Variants in FAM110B observed in about 807,000 individuals in gnomAD.
FAM110B encodes the protein family with sequence similarity 110 member B, also known as protein FAM110B.
FAM110B carries 6 observed loss-of-function variants against 20.4 expected under a neutral mutation model. That is an observed-to-expected ratio of 0.29 (90% confidence interval 0.16 to 0.58). FAM110B has a LOEUF of 0.58. FAM110B is among the 20% of genes least tolerant of loss of function. The pLI, the probability that FAM110B is intolerant of heterozygous loss-of-function variation, is 0.90. For missense variants in FAM110B, 434 were observed against 498.2 expected (o/e 0.87, Z 1.23); for synonymous variants, 226 against 214.1 (o/e 1.06, Z -0.49).
intron 3 of FAM110B, among the ~76,000 whole-genome samples, chr8:58,122,559 C>G (rs1000504508): frequency 1.3e-5 from 2 of 152,086 alleles, no homozygotes; most frequent in Non-Finnish European, 2.9e-5. Flanking sequence ...TCAAGCCCAC[C>G]TATTGAATCT....
At chr8:58,037,833 C>G (rs551158275) in intron 2 of FAM110B, among the ~76,000 whole-genome samples, 1 of 152,232 alleles carries the variant, frequency 6.6e-6, no homozygotes, top group East Asian at 1.9e-4. Context: ...TTACTTTTCT[C>G]TCTTTCTCTT....
chr8:58,145,860 A>G (rs1398722278), intron 3 of FAM110B, 47 bp from the exon 4 acceptor site: 1 of 170,210 alleles, frequency 5.9e-6, no homozygotes, highest in Non-Finnish European at 1.2e-5. Context: ...TAGAGCCGTG[A>G]TGTCACCCGC....
intron 3 of FAM110B, among the ~76,000 whole-genome samples, chr8:58,098,215 C>T (rs1461638523): frequency 6.6e-6 from 1 of 152,262 alleles, no homozygotes; most frequent in South Asian, 2.1e-4. Flanking sequence ...ACTGGGGCTG[C>T]TGCCTTTCTT....
intron 2 of FAM110B, among the ~76,000 whole-genome samples, chr8:58,068,924 T>C (rs1284158139): frequency 2.0e-5 from 3 of 152,152 alleles, no homozygotes; most frequent in South Asian, 2.1e-4. Context: ...TTATATTCCA[T>C]AGAAAACATT....
chr8:58,066,307 G>A (rs1005951164), intron 2 of FAM110B, among the ~76,000 whole-genome samples: 1 of 152,188 alleles, frequency 6.6e-6, no homozygotes, highest in African/African-American at 2.4e-5. Flanking sequence ...CGACCTCCCT[G>A]AGAACTCACA....
intron 2 of FAM110B, among the ~76,000 whole-genome samples, chr8:58,050,308 G>A (rs1178060579): frequency 6.6e-6 from 1 of 152,196 alleles, no homozygotes; most frequent in African/African-American, 2.4e-5. Context: ...CAGAGGCTAG[G>A]CTTAGAGGAA....
chr8:58,005,865 CT>C (rs982712102), intron 1 of FAM110B, among the ~76,000 whole-genome samples: 2 of 152,090 alleles, frequency 1.3e-5, no homozygotes, highest in African/African-American at 2.4e-5. Context: ...AAGAAGTGTT[CT>C]GAAACTTGAA....
chr8:58,025,719 G>T (rs1482945245), intron 1 of FAM110B, among the ~76,000 whole-genome samples: 1 of 152,146 alleles, frequency 6.6e-6, no homozygotes, highest in African/African-American at 2.4e-5. Flanking sequence ...GCTGCCAGGT[G>T]TCCCTACCTT....
intron 2 of FAM110B, among the ~76,000 whole-genome samples, chr8:58,047,883 GA>G (rs1215264327): frequency 8.6e-5 from 13 of 151,296 alleles, no homozygotes; most frequent in Admixed American, 5.3e-4. Flanking sequence ...TGAGAATTTT[GA>G]AAAAAAAATT....
intron 3 of FAM110B, among the ~76,000 whole-genome samples, chr8:58,101,673 G>A (rs1806783638): frequency 6.6e-6 from 1 of 151,958 alleles, no homozygotes; most frequent in African/African-American, 2.4e-5. Flanking sequence ...CCGAAATCTA[G>A]TATGTTTCAT....
intron 1 of FAM110B, among the ~76,000 whole-genome samples, chr8:58,007,618 G>T (rs923219203): frequency 1.3e-5 from 2 of 152,156 alleles, no homozygotes; most frequent in African/African-American, 4.8e-5. Context: ...TGGGATTAGT[G>T]CCCTTGTAAA....
chr8:58,083,514 G>T (rs1563363701), intron 3 of FAM110B, among the ~76,000 whole-genome samples: 1 of 152,154 alleles, frequency 6.6e-6, no homozygotes. Context: ...TGCTCAAATT[G>T]ATTGTTCCCT....
At chr8:58,083,376 A>C (rs969505519) in intron 3 of FAM110B, among the ~76,000 whole-genome samples, 1 of 152,256 alleles carries the variant, frequency 6.6e-6, no homozygotes, top group Non-Finnish European at 1.5e-5. Flanking sequence ...AGTCAAAGTA[A>C]GGAATAATCA....
chr8:58,095,391 C>T (rs927390390), intron 3 of FAM110B, among the ~76,000 whole-genome samples: 2 of 152,140 alleles, frequency 1.3e-5, no homozygotes, highest in Non-Finnish European at 2.9e-5. Context: ...TATAAATTTC[C>T]CTCTAAACAC....
intron 1 of FAM110B, among the ~76,000 whole-genome samples, chr8:58,008,298 A>G (rs1804456199): frequency 6.6e-6 from 1 of 151,706 alleles, no homozygotes; most frequent in African/African-American, 2.4e-5. Flanking sequence ...ACACCCGGCT[A>G]ATTTTTGTAT....
intron 3 of FAM110B, among the ~76,000 whole-genome samples, chr8:58,142,014 G>C (rs918571891): frequency 6.6e-6 from 1 of 152,218 alleles, no homozygotes; most frequent in African/African-American, 2.4e-5. Flanking sequence ...TTATAGTTCA[G>C]CTGAGGGTCC....
intron 1 of FAM110B, among the ~76,000 whole-genome samples, chr8:58,010,168 C>T (rs1246724509): frequency 6.6e-6 from 1 of 151,660 alleles, no homozygotes; most frequent in African/African-American, 2.4e-5. Flanking sequence ...AGATGCGCAA[C>T]ATGACGCCCT....
intron 2 of FAM110B, among the ~76,000 whole-genome samples, chr8:58,049,347 A>C (rs576647198): frequency 1.3e-5 from 2 of 152,166 alleles, no homozygotes; most frequent in East Asian, 3.9e-4. Context: ...ACTGTCAACT[A>C]TCTTTCATAT....
chr8:58,106,206 C>T (rs1224705042), intron 3 of FAM110B: 2 of 151,978 alleles, frequency 1.3e-5, no homozygotes, highest in Admixed American at 1.3e-4. Context: ...AAGTGCAAAC[C>T]TCATAGTTAG....
Sources: gnomAD v4.1 joint callset for allele counts (sites outside exome capture counted in the v4.1 genomes callset) on GRCh38, gnomAD v4.1.1 for gene constraint, MANE v1.5 for transcripts, NCBI Gene and HGNC (gene_info 2026-07-23, HGNC 2026-07-21) for gene names.